Variants in NDNF observed in about 807,000 individuals in gnomAD.
The protein encoded by NDNF is protein NDNF.
In NDNF, 16 loss-of-function variants were observed where a neutral mutation model predicts 42.0. The ratio of observed to expected loss-of-function variants is 0.38; its 90% confidence interval spans 0.26 to 0.58. The LOEUF (loss-of-function observed/expected upper bound fraction) is 0.58, where lower values mean the gene tolerates loss of function less well. Among genes scored for constraint, NDNF ranks in the 20% least tolerant of loss-of-function variants. NDNF has a pLI of 0.67. For synonymous variants in NDNF, 248 were observed against 251.7 expected (o/e 0.99, Z 0.14); for missense variants, 616 against 666.2 (o/e 0.92, Z 0.83).
rs370423320 is a variant in NDNF at position 121,056,278 on chromosome 4, A to C, written c.-1-10440T>G. Among the ~76,000 whole-genome samples the C allele has an allele frequency of 3.3e-5, 5 of 152,344 alleles. No individual in the cohort carries two copies. The East Asian group carries it at 7.7e-4, about 24-fold the overall frequency. ...GCAGATGGTGAGCTCAGTGAAGAAA[A>C]GACCAGGAGGGAATTGACTGCAGTC... On this transcript the variant is annotated intron_variant, in intron 1 of 3. Coordinates refer to ENST00000379692, the MANE Select transcript of NDNF (RefSeq NM_024574.4).
At chr4:121,065,717 T>TACACAC (rs147500183) in intron 1 of NDNF, among the ~76,000 whole-genome samples, 297 of 147,630 alleles carry the variant, frequency 2.0e-3, no homozygotes, top group Non-Finnish European at 3.5e-3. Context: ...AAGAATGAAA[T>TACACAC]ACACACACAC....
chr4:121,036,334 T>A lies in NDNF; in HGVS notation c.1637A>T (p.Tyr546Phe). ...AGAGTGCCCCCCATGTCCTATGACA[T>A]AAACATCCAGCAGGTAAGATTTGCC... ...QPGKSYLLDV[Y>F]VIGHGGHSVK... Residue 546 changes from tyrosine to phenylalanine, a missense_variant, in exon 4 of 4, where the codon TAT (tyrosine) becomes TTT (phenylalanine). Coordinates refer to ENST00000379692, the MANE Select transcript of NDNF (RefSeq NM_024574.4). 6.2e-7 allele frequency: 1 copy of A among 1,614,168 alleles called. No individual in the cohort carries two copies. Among genetic ancestry groups the A allele is most frequent in the Non-Finnish European group, 8.5e-7 (1 of 1,180,018 alleles).
rs192856799 is a variant in NDNF, at chr4:121,037,454, A to G, written c.517T>C (p.Tyr173His). Residue 173 changes from tyrosine to histidine, a missense_variant, in exon 4 of 4, where the codon TAC becomes CAC. Physicochemically the swap from Tyr to His is moderately conservative, Grantham distance 83. Coordinates refer to ENST00000379692, the MANE Select transcript of NDNF (RefSeq NM_024574.4). ...CTTGGGTCATAGGGTAACTCAGGGT[A>G]TGGCTGATCAGATTCTGGAGTTGTG... ...ATTTPESDQP[Y>H]PELPYDPRVD... is the part of the protein sequence containing the mutation. 5.0e-6 allele frequency: 8 copies of G among 1,614,114 alleles called. No homozygotes were observed. In the African/African-American group the frequency reaches 8.0e-5, roughly 16 times the overall value.
chr4:121,062,726 AT>A lies in NDNF; in HGVS notation c.-2+9266del, dbSNP rs202121482. 1.9e-3 allele frequency among the ~76,000 whole-genome samples: 286 copies of A among 151,260 alleles called. 2 individuals carry two copies. The highest frequency in any genetic ancestry group is 6.4e-3 in the African/African-American group (265 of 41,138). On this transcript the variant is annotated intron_variant, in intron 1 of 3. Transcript: ENST00000379692. ...CTATTTTTTTTCTTTTCTCTTTTTT[AT>A]TTTTTTAAGGGAAGCACTAAGGAAA...
rs2148775155 is a variant in NDNF at position 121,072,320 on chromosome 4, T to A, written c.-329A>T. ...GCCGAGAAGCGGCGGGAGGTCCTTT[T>A]AAACTGCAGGGAGCGTGCGGGGGCT... On this transcript the variant is annotated 5_prime_UTR_variant, in exon 1 of 4. Coordinates refer to ENST00000379692, the MANE Select transcript of NDNF (RefSeq NM_024574.4). The A allele has an allele frequency of 6.6e-6, 1 of 150,708 alleles. No individual in the cohort carries two copies. The highest frequency in any genetic ancestry group is 2.0e-4 in the East Asian group (1 of 5,042). The allele number at this position is 150,708 out of a possible 1,614,324, so 9.3% of individuals were successfully genotyped here. A position where few individuals can be genotyped will look rare whatever the true frequency, so the allele number is the denominator to read the frequency against.
chr4:121,054,221 T>C (rs1457575582), intron 1 of NDNF, among the ~76,000 whole-genome samples: 1 of 152,180 alleles, frequency 6.6e-6, no homozygotes, highest in Non-Finnish European at 1.5e-5. Context: ...CTCAACTGGG[T>C]AATGTGAGGT....
intron 1 of NDNF, among the ~76,000 whole-genome samples, chr4:121,062,040 G>A (rs1727421034): frequency 6.6e-6 from 1 of 152,156 alleles, no homozygotes; most frequent in Non-Finnish European, 1.5e-5. Flanking sequence ...TCTCAGACTG[G>A]TTGCAACATT....
Position 121,037,574 on chromosome 4 carries a change from C to T in NDNF, c.397G>A (p.Val133Ile). 6.2e-7 allele frequency: 1 copy of T among 1,613,312 alleles called. No individual in the cohort carries two copies. The highest frequency in any genetic ancestry group is 8.5e-7 in the Non-Finnish European group (1 of 1,179,796). Residue 133 changes from valine to isoleucine, a missense_variant, in exon 4 of 4, where the codon GTT (valine) becomes ATT (isoleucine). By Grantham distance (29) the Val-to-Ile change is conservative. Transcript: ENST00000379692. ...GAACTAGACGATATAAAATACTCAA[C>T]ATCATTGCCTTTGTAGGAGAATAAC... ...TELFSYKGND[V>I]EYFISSSSPS...
At chr4:121,069,311 G>A (rs1001151995) in intron 1 of NDNF, among the ~76,000 whole-genome samples, 13 of 152,224 alleles carry the variant, frequency 8.5e-5, no homozygotes, top group African/African-American at 1.4e-4. Flanking sequence ...AACAGACCCA[G>A]GACAAATAAG....
intron 1 of NDNF, among the ~76,000 whole-genome samples, chr4:121,069,585 T>C (rs1386673690): frequency 2.6e-5 from 4 of 152,200 alleles, no homozygotes; most frequent in Non-Finnish European, 5.9e-5. Flanking sequence ...GTCTTTGACA[T>C]ACAGGTTTAA....
At chr4:121,043,612 GT>G in intron 2 of NDNF, among the ~76,000 whole-genome samples, 1 of 152,084 alleles carries the variant, frequency 6.6e-6, no homozygotes, top group African/African-American at 2.4e-5. Context: ...TACTTTAAAA[GT>G]GTAATTTCTA....
chr4:121,062,617 A>G (rs554195101), intron 1 of NDNF, among the ~76,000 whole-genome samples: 1 of 152,358 alleles, frequency 6.6e-6, no homozygotes, highest in East Asian at 1.9e-4. Context: ...GTACTGATAC[A>G]ATATGGGAAT....
At chr4:121,060,023 A>T (rs1217550389) in intron 1 of NDNF, among the ~76,000 whole-genome samples, 3 of 152,172 alleles carry the variant, frequency 2.0e-5, no homozygotes, top group Non-Finnish European at 4.4e-5. Flanking sequence ...AGAACTTTCT[A>T]ATCTTTAATT....
chr4:121,041,604 G>T (rs1726998525), intron 2 of NDNF, among the ~76,000 whole-genome samples: 1 of 152,158 alleles, frequency 6.6e-6, no homozygotes, highest in Non-Finnish European at 1.5e-5. Flanking sequence ...AGGACTCTCA[G>T]CTGGAAATCA....
chr4:121,053,748 G>A (rs1727240007), intron 1 of NDNF, among the ~76,000 whole-genome samples: 1 of 152,214 alleles, frequency 6.6e-6, no homozygotes, highest in African/African-American at 2.4e-5. Flanking sequence ...CTTAGGTGAT[G>A]CTAATGATTC....
chr4:121,041,880 T>C (rs1256347402), intron 2 of NDNF, among the ~76,000 whole-genome samples: 2 of 152,150 alleles, frequency 1.3e-5, no homozygotes, highest in African/African-American at 4.8e-5. Flanking sequence ...ACTAGAGAAG[T>C]ACTTTGTGGT....
At chr4:121,061,398 C>T (rs532018545) in intron 1 of NDNF, 2 of 153,564 alleles carry the variant, frequency 1.3e-5, no homozygotes, top group African/African-American at 2.4e-5. Context: ...AGGGGACACC[C>T]GCCTAGCCAG....
intron 3 of NDNF, among the ~76,000 whole-genome samples, chr4:121,039,182 GTGTGTGTGTGTATATATATATATA>G (rs1579308681): frequency 8.7e-4 from 12 of 13,814 alleles, no homozygotes; most frequent in South Asian, 5.7e-3. Context: ...AAGACTATGT[GTGTGTGTGTGTATATATATATATA>G]TATATATATA....
At chr4:121,042,417 G>A (rs1393915981) in intron 2 of NDNF, among the ~76,000 whole-genome samples, 1 of 152,006 alleles carries the variant, frequency 6.6e-6, no homozygotes, top group Non-Finnish European at 1.5e-5. Context: ...ATGGGAGTGG[G>A]GCTGTGGGCA....
Sources: allele counts gnomAD v4.1 joint callset (sites outside exome capture counted in the v4.1 genomes callset), GRCh38; gene constraint gnomAD v4.1.1; transcripts MANE v1.5; gene names NCBI Gene and HGNC (gene_info 2026-07-23, HGNC 2026-07-21).